ADRA1B: variants seen among roughly 807,000 people sequenced by gnomAD.
ADRA1B encodes alpha-1B adrenergic receptor.
A neutral mutation model predicts 17.9 loss-of-function variants in ADRA1B; 17 were observed. That is an observed-to-expected ratio of 0.95 (90% CI 0.65 to 1.42). The LOEUF (loss-of-function observed/expected upper bound fraction) is 1.42. ADRA1B is among the 40% of genes most tolerant of loss of function. The pLI is 0.00. For synonymous variants in ADRA1B, 366 were observed against 327.6 expected, an observed-to-expected ratio of 1.12 and a Z score of -1.27; for missense variants, 681 against 722.1, an observed-to-expected ratio of 0.94 and a Z score of 0.65.
intron 1 of ADRA1B, among the ~76,000 whole-genome samples, chr5:159,945,939 G>A (rs1010304230): frequency 1.3e-5 from 2 of 152,062 alleles, no homozygotes; most frequent in Admixed American, 1.3e-4. Context: ...AGTAGAGATG[G>A]GGTTTCACCA....
At chr5:159,898,825 A>G (rs180791683) in intron 1 of ADRA1B, among the ~76,000 whole-genome samples, 17 of 152,282 alleles carry the variant, frequency 1.1e-4, no homozygotes, top group East Asian at 5.8e-4. Flanking sequence ...AATGGATTTT[A>G]TTTAGTTCAA....
the ADRA1B span, among the ~76,000 whole-genome samples, chr5:159,978,334 C>T: frequency 6.6e-6 from 1 of 152,170 alleles, no homozygotes; most frequent in South Asian, 2.1e-4. Context: ...AAGCACATGG[C>T]AGGGGGTCCT....
the ADRA1B span, among the ~76,000 whole-genome samples, chr5:159,980,093 G>C: frequency 6.6e-6 from 1 of 152,012 alleles, no homozygotes; most frequent in African/African-American, 2.4e-5. Flanking sequence ...GGCAGCAAAA[G>C]AGAAAGGTGG....
chr5:159,944,365 T>C (rs888934750), intron 1 of ADRA1B, among the ~76,000 whole-genome samples: 2 of 152,212 alleles, frequency 1.3e-5, no homozygotes, highest in African/African-American at 2.4e-5. Context: ...TTATTCTAGA[T>C]ACAAATTCCA....
intron 1 of ADRA1B, among the ~76,000 whole-genome samples, chr5:159,969,196 A>G (rs552935166): frequency 6.6e-6 from 1 of 152,050 alleles, no homozygotes; most frequent in South Asian, 2.1e-4. Flanking sequence ...ATTTCCCCCA[A>G]CCTAAAAAGA....
the ADRA1B span, among the ~76,000 whole-genome samples, chr5:159,987,773 G>A: frequency 6.6e-6 from 1 of 152,184 alleles, no homozygotes; most frequent in East Asian, 1.9e-4. Context: ...TTCTGGAAAA[G>A]GGGTGCACAC....
At chr5:159,950,281 T>TC (rs1040618539) in intron 1 of ADRA1B, among the ~76,000 whole-genome samples, 33 of 151,982 alleles carry the variant, frequency 2.2e-4, no homozygotes, top group Non-Finnish European at 3.2e-4. Flanking sequence ...TGGAGAATTT[T>TC]TTCTTTTTTT....
At chr5:159,945,575 CAGG>C (rs1383910761) in intron 1 of ADRA1B, among the ~76,000 whole-genome samples, 3 of 151,890 alleles carry the variant, frequency 2.0e-5, no homozygotes, top group African/African-American at 4.8e-5. Flanking sequence ...TGCACAGAAG[CAGG>C]AGGAGAGAGG....
intron 1 of ADRA1B, among the ~76,000 whole-genome samples, chr5:159,970,464 C>G (rs1368641197): frequency 1.3e-5 from 2 of 152,212 alleles, no homozygotes; most frequent in South Asian, 2.1e-4. Context: ...GCATCTACCC[C>G]ATTCTACTTT....
At chr5:159,925,350 C>T (rs547444979) in intron 1 of ADRA1B, among the ~76,000 whole-genome samples, 4 of 152,312 alleles carry the variant, frequency 2.6e-5, no homozygotes, top group Admixed American at 6.5e-5. Flanking sequence ...ATTATTGATG[C>T]TTTAGAAGAC....
chr5:159,905,175 G>A (rs1027620532), intron 1 of ADRA1B, among the ~76,000 whole-genome samples: 2 of 152,224 alleles, frequency 1.3e-5, no homozygotes, highest in Non-Finnish European at 2.9e-5. Context: ...AGACCATTGG[G>A]ATCTTGGGGA....
chr5:159,878,141 G>A (rs900354842), intron 1 of ADRA1B, among the ~76,000 whole-genome samples: 17 of 152,174 alleles, frequency 1.1e-4, no homozygotes, highest in Non-Finnish European at 2.2e-4. Flanking sequence ...CCGACAGTCC[G>A]GGACGCCAGG....
At chr5:159,962,646 G>GCATCTTTTGGC (rs2113283198) in intron 1 of ADRA1B, among the ~76,000 whole-genome samples, 1 of 149,068 alleles carries the variant, frequency 6.7e-6, no homozygotes, top group East Asian at 2.0e-4. Flanking sequence ...AATACGCACA[G>GCATCTTTTGGC]CATCTTTTGG....
chr5:159,974,490 G>T (rs1755942024), downstream of ADRA1B, among the ~76,000 whole-genome samples: 1 of 152,094 alleles, frequency 6.6e-6, no homozygotes, highest in Non-Finnish European at 1.5e-5. Context: ...CAAAAAATTA[G>T]CTGGGTGTGA....
At chr5:159,925,899 G>T (rs1253033210) in intron 1 of ADRA1B, among the ~76,000 whole-genome samples, 3 of 152,198 alleles carry the variant, frequency 2.0e-5, no homozygotes, top group Non-Finnish European at 2.9e-5. Context: ...TGGGGGCATT[G>T]CAGGGCCCCT....
chr5:159,873,249 T>A (rs1753768194), intron 1 of ADRA1B, among the ~76,000 whole-genome samples: 1 of 152,220 alleles, frequency 6.6e-6, no homozygotes, highest in African/African-American at 2.4e-5. Flanking sequence ...TATGCATGTG[T>A]CTTTACAGCA....
intron 1 of ADRA1B, among the ~76,000 whole-genome samples, chr5:159,952,501 T>C (rs559157734): frequency 6.6e-6 from 1 of 152,328 alleles, no homozygotes; most frequent in South Asian, 2.1e-4. Flanking sequence ...GGCTTCCTAG[T>C]GGCCTGCCTC....
intron 1 of ADRA1B, chr5:159,937,527 T>G (rs1397532626): frequency 6.6e-6 from 1 of 152,018 alleles, no homozygotes; most frequent in African/African-American, 2.4e-5. Flanking sequence ...CTCGGTTCAC[T>G]GCAACTTCTG....
At chr5:159,907,013 T>C (rs934534932) in intron 1 of ADRA1B, among the ~76,000 whole-genome samples, 2 of 152,160 alleles carry the variant, frequency 1.3e-5, no homozygotes, top group Non-Finnish European at 2.9e-5. Context: ...TTCTAGGGTA[T>C]GAATGGCCAG....
Sources: gnomAD v4.1 joint callset for allele counts (sites outside exome capture counted in the v4.1 genomes callset) on GRCh38, gnomAD v4.1.1 for gene constraint, MANE v1.5 for transcripts, NCBI Gene and HGNC (gene_info 2026-07-23, HGNC 2026-07-21) for gene names.